Variants in SLC24A4 observed in about 807,000 individuals in gnomAD.
SLC24A4 encodes solute carrier family 24 member 4.
In SLC24A4, 53 loss-of-function variants were observed where a neutral mutation model predicts 79.0. The observed-to-expected ratio is 0.67, with a 90% CI of 0.54 to 0.84. The LOEUF is 0.84. Among genes scored for constraint, SLC24A4 ranks in the 40% least tolerant of loss-of-function variants. The probability of loss-of-function intolerance (pLI) is 0.00; values close to 1 mark genes in which losing one functional copy is unlikely to be tolerated. For missense variants in SLC24A4, 731 were observed against 822.0 expected, an observed-to-expected ratio of 0.89 and a Z score of 1.35; for synonymous variants, 323 against 323.8, an observed-to-expected ratio of 1.00 and a Z score of 0.03.
At chr14:92,384,258 G>A (rs1316539492) in intron 2 of SLC24A4, among the ~76,000 whole-genome samples, 4 of 152,112 alleles carry the variant, frequency 2.6e-5, no homozygotes, top group African/African-American at 9.7e-5. Context: ...AGAGGTTTTA[G>A]CCTCTCTTCT....
chr14:92,359,217 G>T (rs1412154829), intron 2 of SLC24A4, among the ~76,000 whole-genome samples: 1 of 152,100 alleles, frequency 6.6e-6, no homozygotes, highest in African/African-American at 2.4e-5. Flanking sequence ...TGAGCTCCCT[G>T]TTTTCCTCTC....
At chr14:92,377,845 G>A (rs1888602921) in intron 2 of SLC24A4, among the ~76,000 whole-genome samples, 1 of 152,122 alleles carries the variant, frequency 6.6e-6, no homozygotes, top group Admixed American at 6.5e-5. Flanking sequence ...GAAACAGGCA[G>A]GACTCGGTGA....
intron 2 of SLC24A4, among the ~76,000 whole-genome samples, chr14:92,357,391 C>T (rs1356859814): frequency 6.6e-6 from 1 of 152,148 alleles, no homozygotes; most frequent in Non-Finnish European, 1.5e-5. Flanking sequence ...TATTTGTACA[C>T]CCAGGCACAT....
intron 2 of SLC24A4, among the ~76,000 whole-genome samples, chr14:92,375,648 T>C (rs1888458727): frequency 1.3e-5 from 2 of 152,206 alleles, no homozygotes; most frequent in Admixed American, 6.5e-5. Flanking sequence ...TACTGCTACA[T>C]GCCACAACAT....
chr14:92,339,241 A>G (rs1324635266), intron 2 of SLC24A4, among the ~76,000 whole-genome samples: 1 of 152,182 alleles, frequency 6.6e-6, no homozygotes, highest in Admixed American at 6.5e-5. Flanking sequence ...GGGGGAGTAC[A>G]CAGGGCTGCG....
chr14:92,334,246 C>T (rs2141602223), intron 2 of SLC24A4, among the ~76,000 whole-genome samples: 1 of 152,334 alleles, frequency 6.6e-6, no homozygotes, highest in East Asian at 1.9e-4. Flanking sequence ...ACAGCAGGGG[C>T]AGGATGTCCA....
intron 2 of SLC24A4, among the ~76,000 whole-genome samples, chr14:92,327,104 C>G (rs1885188982): frequency 6.6e-6 from 1 of 152,252 alleles, no homozygotes; most frequent in South Asian, 2.1e-4. Context: ...AGTGGTGACG[C>G]TGGTTTGAGA....
intron 2 of SLC24A4, among the ~76,000 whole-genome samples, chr14:92,386,312 A>G (rs888852016): frequency 2.0e-5 from 3 of 152,150 alleles, no homozygotes; most frequent in Admixed American, 6.5e-5. Context: ...AGTCACCCAC[A>G]TTCTCTGTGC....
Position 92,498,116 on chromosome 14 carries a change from C to G in SLC24A4, c.*4488C>G, listed in dbSNP as rs1895994514. 1 of 152,278 alleles carries G rather than the reference C, an allele frequency of 6.6e-6. No homozygotes were observed. The highest frequency in any genetic ancestry group is 1.5e-5 in the Non-Finnish European group (1 of 68,124). The allele number at this position is 152,278 out of a possible 1,614,324, so 9.4% of individuals were successfully genotyped here. ...TGCTCTGTGGGCAGCTCTTGGGTGG[C>G]AGTAAGTCCATCAACCCCCATCTAC... On this transcript the variant is annotated 3_prime_UTR_variant, in exon 17 of 17. Coordinates refer to ENST00000532405, the MANE Select transcript of SLC24A4 (RefSeq NM_153646.4).
At chr14:92,425,002 C>T (rs1236472550) in intron 2 of SLC24A4, among the ~76,000 whole-genome samples, 1 of 152,182 alleles carries the variant, frequency 6.6e-6, no homozygotes, top group Non-Finnish European at 1.5e-5. Context: ...CAAACACCTC[C>T]CATTAGGCAC....
intron 2 of SLC24A4, among the ~76,000 whole-genome samples, chr14:92,421,533 A>G (rs999105911): frequency 3.3e-5 from 5 of 151,754 alleles, no homozygotes; most frequent in Admixed American, 6.6e-5. Flanking sequence ...TTTGAGACAC[A>G]GTTTTACTCT....
chr14:92,341,590 C>T (rs1886144688), intron 2 of SLC24A4, among the ~76,000 whole-genome samples: 2 of 152,236 alleles, frequency 1.3e-5, no homozygotes, highest in South Asian at 2.1e-4. Context: ...CAGCGACTCA[C>T]CTGGCTGCAG....
chr14:92,368,082 T>A (rs921830047), intron 2 of SLC24A4, among the ~76,000 whole-genome samples: 5 of 152,220 alleles, frequency 3.3e-5, no homozygotes, highest in Non-Finnish European at 4.4e-5. Flanking sequence ...ACATATCTTA[T>A]TAGTGAAAAA....
intron 14 of SLC24A4, 39 bp from the exon 15 acceptor site, chr14:92,491,626 C>A (rs766991444): frequency 8.7e-6 from 12 of 1,381,418 alleles, no homozygotes; most frequent in African/African-American, 1.4e-5. Context: ...CTTCTGGTGA[C>A]CTGCTCTTAT....
intron 2 of SLC24A4, among the ~76,000 whole-genome samples, chr14:92,432,798 T>C (rs1891949350): frequency 6.6e-6 from 1 of 152,176 alleles, no homozygotes; most frequent in Non-Finnish European, 1.5e-5. Flanking sequence ...AATTTCCATA[T>C]AAGGGAGAAA....
intron 2 of SLC24A4, among the ~76,000 whole-genome samples, chr14:92,408,217 G>A (rs977916711): frequency 2.1e-5 from 3 of 146,174 alleles, no homozygotes; most frequent in African/African-American, 4.9e-5. Flanking sequence ...CATCCACAAG[G>A]GGGAATAAGT....
rs759867084 is a variant in SLC24A4 at position 92,348,528 on chromosome 14, T to C, written c.241+22550T>C. 1.5e-4 allele frequency among the ~76,000 whole-genome samples: 23 copies of C among 152,316 alleles called. 1 individual carries two copies. The Middle Eastern group carries it at 0.014, about 90-fold the overall frequency. On this transcript the variant is annotated intron_variant, in intron 2 of 16. Transcript: ENST00000532405. ...GCTGATCCTGTTCTAGGTCACAAAG[T>C]TGGTTGGTGGTTTCCTGATTCCCAG...
chr14:92,438,724 T>C (rs1892321031), intron 3 of SLC24A4, among the ~76,000 whole-genome samples: 1 of 152,204 alleles, frequency 6.6e-6, no homozygotes. Context: ...GGAGCCTCCA[T>C]GTGTTCAGCT....
chr14:92,380,822 G>A (rs1026565239), intron 2 of SLC24A4, among the ~76,000 whole-genome samples: 3 of 152,238 alleles, frequency 2.0e-5, no homozygotes, highest in Non-Finnish European at 2.9e-5. Context: ...AGGTGCAAGC[G>A]GCTCAGGCTG....
Sources: allele counts gnomAD v4.1 joint callset (sites outside exome capture counted in the v4.1 genomes callset), GRCh38; gene constraint gnomAD v4.1.1; transcripts MANE v1.5; gene names NCBI Gene and HGNC (gene_info 2026-07-23, HGNC 2026-07-21).